MAP2K5: variants seen among roughly 807,000 people sequenced by gnomAD.
MAP2K5 encodes mitogen-activated protein kinase kinase 5, also known as dual specificity mitogen-activated protein kinase kinase 5.
A neutral mutation model predicts 83.1 loss-of-function variants in MAP2K5; 49 were observed. That is an observed-to-expected ratio of 0.59 (90% confidence interval 0.47 to 0.75). MAP2K5 has a LOEUF of 0.75. MAP2K5 is among the 30% of genes least tolerant of loss of function. MAP2K5 has a pLI of 0.00. For synonymous variants in MAP2K5, 202 were observed against 191.8 expected, an observed-to-expected ratio of 1.05 and a Z score of -0.44; for missense variants, 457 against 557.5, an observed-to-expected ratio of 0.82 and a Z score of 1.82.
intron 21 of MAP2K5, among the ~76,000 whole-genome samples, chr15:67,804,961 A>C (rs943044458): frequency 1.3e-5 from 2 of 152,188 alleles, no homozygotes; most frequent in African/African-American, 4.8e-5. Flanking sequence ...GCCCCAGACC[A>C]AACCTCTGCC....
At chr15:67,713,735 C>CAA (rs1436737104) in intron 16 of MAP2K5, among the ~76,000 whole-genome samples, 12 of 122,858 alleles carry the variant, frequency 9.8e-5, no homozygotes, top group South Asian at 5.2e-4. Context: ...GACTCCGTCT[C>CAA]AAAAAAAAAA....
At chr15:67,622,993 T>C (rs532453981) in intron 8 of MAP2K5, among the ~76,000 whole-genome samples, 14 of 152,210 alleles carry the variant, frequency 9.2e-5, no homozygotes, top group Admixed American at 4.6e-4. Flanking sequence ...TCCCAGCTAC[T>C]CGGGAGGCTG....
intron 8 of MAP2K5, among the ~76,000 whole-genome samples, chr15:67,620,027 C>T (rs1000076642): frequency 9.9e-5 from 15 of 152,200 alleles, no homozygotes; most frequent in Non-Finnish European, 1.5e-4. Context: ...CTATGATTGT[C>T]ACACTGTACT....
At chr15:67,726,004 C>T (rs2089085508) in intron 16 of MAP2K5, among the ~76,000 whole-genome samples, 2 of 150,430 alleles carry the variant, frequency 1.3e-5, no homozygotes, top group Non-Finnish European at 3.0e-5. Context: ...GTTTGGCAAA[C>T]ATCTACACTC....
rs2086459808 is a variant in MAP2K5 at position 67,630,935 on chromosome 15, C to G, written c.585+8C>G. ...AAAATATTAGCTGTAAAGGTAAGTA[C>G]TGGATACATTTTATGAAATTCTTGA... On this transcript the variant is annotated splice_region_variant and intron_variant, in intron 9 of 21. Transcript: ENST00000178640. 6.3e-7 allele frequency: 1 copy of G among 1,595,506 alleles called. No individual in the cohort carries two copies. The highest frequency in any genetic ancestry group is 8.6e-7 in the Non-Finnish European group (1 of 1,166,386).
rs1231491075 is a variant in MAP2K5 at position 67,790,139 on chromosome 15, C to A, written c.1243-16507C>A. Among the ~76,000 whole-genome samples the A allele has an allele frequency of 6.6e-6, 1 of 152,174 alleles. No individual in the cohort carries two copies. Among genetic ancestry groups the A allele is most frequent in the African/African-American group, 2.4e-5 (1 of 41,444 alleles). ...AAAAGCAGGCTTGGAAATTGCAAGGCAGAGCTGGATTGAACTTCCTTTAAA... is the reference window on the plus strand; with the variant it reads ...AAAAGCAGGCTTGGAAATTGCAAGGAAGAGCTGGATTGAACTTCCTTTAAA... On this transcript the variant is annotated intron_variant, in intron 21 of 21. Transcript: ENST00000178640. This position sits in a 1 kb window ranked among gnomAD's most constrained non-coding sequence, Gnocchi z 4.6.
intron 13 of MAP2K5, among the ~76,000 whole-genome samples, chr15:67,688,071 T>C (rs1412909156): frequency 1.3e-5 from 2 of 152,020 alleles, no homozygotes; most frequent in Non-Finnish European, 2.9e-5. Flanking sequence ...AGGAGAAAAA[T>C]TCAGGCAAAA....
intron 8 of MAP2K5, among the ~76,000 whole-genome samples, chr15:67,623,957 A>G (rs375128013): frequency 1.4e-3 from 207 of 151,848 alleles, no homozygotes; most frequent in African/African-American, 4.9e-3. Context: ...TCACAACTCT[A>G]TAAGGGAGAG....
rs539550702 is a variant in MAP2K5 at position 67,717,029 on chromosome 15, G to A, written c.1045-10887G>A. Among the ~76,000 whole-genome samples, 22 of 152,280 alleles carry A rather than the reference G, an allele frequency of 1.4e-4. No individual in the cohort carries two copies. The South Asian group carries it at 4.6e-3, about 32-fold the overall frequency. On this transcript the variant is annotated intron_variant, in intron 16 of 21. Transcript: ENST00000178640. This position sits in a 1 kb window ranked among gnomAD's most constrained non-coding sequence, Gnocchi z 4.1. ...GAATAGCTCAGGCAGCAGCAGTCAAGTATTCTGACTCATGGATTCAAGTCT... is the reference window on the plus strand; with the variant it reads ...GAATAGCTCAGGCAGCAGCAGTCAAATATTCTGACTCATGGATTCAAGTCT...
chr15:67,729,451 T>C (rs548173936), intron 17 of MAP2K5, among the ~76,000 whole-genome samples: 3 of 152,146 alleles, frequency 2.0e-5, no homozygotes, highest in Non-Finnish European at 4.4e-5. Flanking sequence ...ATCAGTGAGA[T>C]TTGATGGGTG....
chr15:67,654,651 C>G (rs969348601), intron 11 of MAP2K5, among the ~76,000 whole-genome samples: 1 of 152,014 alleles, frequency 6.6e-6, no homozygotes, highest in East Asian at 1.9e-4. Flanking sequence ...TTTAAATTCC[C>G]CATGGTTGCT....
In MAP2K5 at chr15:67,577,832, CTCTACTAAAAATA is replaced by C. The variant is rs916256199; in HGVS notation, c.253-2921_253-2909del. 6.6e-6 allele frequency among the ~76,000 whole-genome samples: 1 copy of C among 152,136 alleles called. No homozygotes were observed. Among genetic ancestry groups the C allele is most frequent in the African/African-American group, 2.4e-5 (1 of 41,414 alleles). On this transcript the variant is annotated intron_variant, in intron 3 of 21. Transcript: ENST00000178640. The surrounding 1 kb of genome is among the most constrained non-coding windows in gnomAD (Gnocchi z 4.1). ...CCTGGCCAACATGGTGAAACCCCATCTCTACTAAAAATACAAAAATTAGCCGGGCCAGTGGTGG... is the reference window on the plus strand; with the variant it reads ...CCTGGCCAACATGGTGAAACCCCATCCAAAAATTAGCCGGGCCAGTGGTGG...
At chr15:67,732,555 A>C (rs1052277998) in intron 17 of MAP2K5, among the ~76,000 whole-genome samples, 1 of 152,180 alleles carries the variant, frequency 6.6e-6, no homozygotes, top group East Asian at 1.9e-4. Context: ...ACCTGAAGTT[A>C]AAAAAAGGAA....
At chr15:67,697,827 G>A (rs890476993) in intron 15 of MAP2K5, among the ~76,000 whole-genome samples, 11 of 152,088 alleles carry the variant, frequency 7.2e-5, no homozygotes, top group East Asian at 1.9e-4. Flanking sequence ...ATCTGTAATC[G>A]AAAGCGTAAA....
intron 16 of MAP2K5, among the ~76,000 whole-genome samples, chr15:67,716,037 C>T (rs1251212268): frequency 6.6e-6 from 1 of 152,164 alleles, no homozygotes; most frequent in Non-Finnish European, 1.5e-5. Flanking sequence ...GGTCACTCAG[C>T]AAATATTTTT....
chr15:67,654,490 C>G (rs1301314016), intron 11 of MAP2K5, among the ~76,000 whole-genome samples: 2 of 152,066 alleles, frequency 1.3e-5, no homozygotes, highest in African/African-American at 4.8e-5. Context: ...TTCTGCCAAT[C>G]TCTTATTTAA....
At chr15:67,697,458 C>T (rs1190257103) in intron 15 of MAP2K5, among the ~76,000 whole-genome samples, 1 of 152,190 alleles carries the variant, frequency 6.6e-6, no homozygotes, top group African/African-American at 2.4e-5. Flanking sequence ...ATTAAGTGAT[C>T]TGCCTTCAGA....
chr15:67,585,261 A>AC (rs2085265335), intron 4 of MAP2K5, among the ~76,000 whole-genome samples: 1 of 152,128 alleles, frequency 6.6e-6, no homozygotes, highest in African/African-American at 2.4e-5. Flanking sequence ...AAAAGTACTA[A>AC]CCTGTAACTC....
intron 21 of MAP2K5, among the ~76,000 whole-genome samples, chr15:67,806,306 G>A (rs997748372): frequency 2.6e-5 from 4 of 152,252 alleles, no homozygotes; most frequent in African/African-American, 9.6e-5. Context: ...CTGGCCGTGC[G>A]AGTGATGCCG....
Sources: gnomAD v4.1 joint callset for allele counts (sites outside exome capture counted in the v4.1 genomes callset) on GRCh38, gnomAD v4.1.1 for gene constraint, Gnocchi (gnomAD v3.1) non-coding constraint, MANE v1.5 for transcripts, NCBI Gene and HGNC (gene_info 2026-07-23, HGNC 2026-07-21) for gene names.